Variants in FURIN observed in about 807,000 individuals in gnomAD.
FURIN encodes the protein furin, paired basic amino acid cleaving enzyme, also known as FES upstream region.
In FURIN, 18 loss-of-function variants were observed where a neutral mutation model predicts 89.2. That is an observed-to-expected ratio of 0.20 (90% confidence interval 0.14 to 0.30). The LOEUF (loss-of-function observed/expected upper bound fraction) is 0.30, where lower values mean the gene tolerates loss of function less well. Ranked by LOEUF, FURIN falls within the 10% of genes least tolerant of loss-of-function variation. The pLI is 1.00. For missense variants in FURIN, 879 were observed against 1,100.5 expected, an observed-to-expected ratio of 0.80 and a Z score of 2.85; for synonymous variants, 508 against 466.4, an observed-to-expected ratio of 1.09 and a Z score of -1.15.
chr15:90,881,443 A>G lies in FURIN; in HGVS notation c.1950A>G (p.Thr650=), dbSNP rs200847735. Residue 650 remains threonine (T), a synonymous_variant, in exon 16 of 16, where the codon ACA becomes ACG. Transcript: ENST00000268171. The surrounding 1 kb of genome is among the most constrained non-coding windows in gnomAD (Gnocchi z 4.3). Reference sequence around the variant, plus strand: ...CCCCCTGCCACGCCTCATGTGCCACATGCCAGGGGCCGGCCCTGACAGACT... The same window carrying G: ...CCCCCTGCCACGCCTCATGTGCCACGTGCCAGGGGCCGGCCCTGACAGACT... The part of the protein sequence containing the change: ...VCAPCHASCA[T]CQGPALTDCL... 6 of 1,612,192 alleles carry G rather than the reference A, an allele frequency of 3.7e-6. No individual in the cohort carries two copies. Among genetic ancestry groups the G allele is most frequent in the Non-Finnish European group, 5.1e-6 (6 of 1,179,818 alleles).
At chr15:90,875,332 C>T (rs573728226) in intron 1 of FURIN, among the ~76,000 whole-genome samples, 12 of 152,226 alleles carry the variant, frequency 7.9e-5, no homozygotes, top group African/African-American at 2.9e-4. Flanking sequence ...CCATGCCTGG[C>T]CCTTCTGTTA....
Position 90,875,865 on chromosome 15 carries a change from C to A in FURIN, c.125C>A (p.Pro42Gln). 6.3e-7 allele frequency: 1 copy of A among 1,586,404 alleles called. No individual in the cohort carries two copies. The highest frequency in any genetic ancestry group is 1.2e-5 in the South Asian group (1 of 86,458). ...TGGGCTGTGCGCATCCCTGGAGGCC[C>A]AGCGGTGGCCAACAGTGTGGCACGG... ...NTWAVRIPGGPAVANSVARKH... is the reference protein window; with the variant it reads ...NTWAVRIPGGQAVANSVARKH... Residue 42 changes from proline (P) to glutamine (Q), a missense_variant, in exon 2 of 16, where the codon CCA (proline) becomes CAA (glutamine). Physicochemically the swap from Pro to Gln is moderately conservative, Grantham distance 76. Transcript: ENST00000268171.
At chr15:90,877,047 C>T (rs2031670663) in intron 5 of FURIN, 23 bp downstream of exon 5, 1 of 1,613,788 alleles carries the variant, frequency 6.2e-7, no homozygotes, top group Non-Finnish European at 8.5e-7. Context: ...GGGAGGGAGG[C>T]CGTGATCCCT....
chr15:90,882,176 A>C lies in FURIN; in HGVS notation c.*298A>C. 1 of 390,784 alleles carries C rather than the reference A, an allele frequency of 2.6e-6. No homozygotes were observed. Among genetic ancestry groups the C allele is most frequent in the Non-Finnish European group, 4.7e-6 (1 of 214,720 alleles). The allele number at this position is 390,784 out of a possible 1,614,324, so 24.2% of individuals were successfully genotyped here. A position where few individuals can be genotyped will look rare whatever the true frequency, so the allele number is the denominator to read the frequency against. On this transcript the variant is annotated 3_prime_UTR_variant, in exon 16 of 16. Transcript: ENST00000268171. ...CAGCCAGAGTTCCTGCGGAGTGAAGAGGGGCAGCCCTTGCTTGTTGGGATT... is the reference window on the plus strand; with the variant it reads ...CAGCCAGAGTTCCTGCGGAGTGAAGCGGGGCAGCCCTTGCTTGTTGGGATT...
At position 90,879,561 on chromosome 15, in the gene FURIN, C is replaced by G; in HGVS notation, c.1154+17C>G. On this transcript the variant is annotated intron_variant, in intron 10 of 15. Transcript: ENST00000268171. ...GGAGGCCAAGTAAGTGGGTGGGGGC[C>G]AGCGGCAACCCTGTCCCTACCAGCA... The G allele has an allele frequency of 6.3e-7, 1 of 1,583,472 alleles. No homozygotes were observed. Among genetic ancestry groups the G allele is most frequent in the Non-Finnish European group, 8.7e-7 (1 of 1,152,320 alleles).
At position 90,880,752 on chromosome 15, in the gene FURIN, G is replaced by C; in HGVS notation, c.1618G>C (p.Asp540His). ...DWAFMTTHSW[D>H]EDPSGEWVLE... is the part of the protein sequence containing the mutation. Reference sequence around the variant, plus strand: ...GGCCTTCATGACAACTCATTCCTGGGATGAGGATCCCTCTGGCGAGTGGGT... The same window carrying C: ...GGCCTTCATGACAACTCATTCCTGGCATGAGGATCCCTCTGGCGAGTGGGT... Residue 540 changes from aspartate to histidine, a missense_variant, in exon 14 of 16, where the codon GAT (aspartate) becomes CAT (histidine). Transcript: ENST00000268171. 1 of 1,614,086 alleles carries C rather than the reference G, an allele frequency of 6.2e-7. No homozygotes were observed. Among genetic ancestry groups the C allele is most frequent in the Non-Finnish European group, 8.5e-7 (1 of 1,179,958 alleles).
chr15:90,880,953 G>C lies in FURIN; in HGVS notation c.1705G>C (p.Val569Leu). 1 of 1,613,982 alleles carries C rather than the reference G, an allele frequency of 6.2e-7. No homozygotes were observed. The highest frequency in any genetic ancestry group is 8.5e-7 in the Non-Finnish European group (1 of 1,179,912). Residue 569 changes from valine (V) to leucine (L), a missense_variant, in exon 15 of 16, where the codon GTA (valine) becomes CTA (leucine). By Grantham distance (32) the Val-to-Leu change is conservative (BLOSUM62 1). Around this residue, in one of 5 missense-constraint regions of FURIN, gnomAD observed 457 missense variants for 490.7 expected, o/e 0.93. Transcript: ENST00000268171. ...AGGGACGCTGACCAAGTTCACCCTC[G>C]TACTCTATGGCACCGCCCCTGAGGG... ...NYGTLTKFTL[V>L]LYGTAPEGLP...
rs755491169 is a variant in FURIN at position 90,878,151 on chromosome 15, C to T, written c.687C>T (p.Gly229=). The T allele has an allele frequency of 9.9e-6, 16 of 1,613,662 alleles. No individual in the cohort carries two copies. The highest frequency in any genetic ancestry group is 1.3e-5 in the African/African-American group (1 of 74,908). ...GGCCAGGGGTGCGCATGCTGGATGGCGAGGTGACAGATGCAGTGGAGGCAC... is the reference window on the plus strand; with the variant it reads ...GGCCAGGGGTGCGCATGCTGGATGGTGAGGTGACAGATGCAGTGGAGGCAC... The part of the protein sequence containing the change: ...ARIGGVRMLD[G]EVTDAVEARS... The change falls in exon 8 of 16, where the codon GGC becomes GGT. Residue 229 remains glycine, a synonymous_variant. Transcript: ENST00000268171.
At position 90,880,778 on chromosome 15, in the gene FURIN, C is replaced by A. The variant is rs762584302; in HGVS notation, c.1644C>A (p.Val548=). ...SWDEDPSGEW[V]LEIENTSEAN... ...ATGAGGATCCCTCTGGCGAGTGGGT[C>A]CTAGAGATTGAAAACACCAGCGAAG... The change falls in exon 14 of 16, where the codon GTC becomes GTA. Residue 548 remains valine, a synonymous_variant. Coordinates refer to ENST00000268171, the MANE Select transcript of FURIN (RefSeq NM_002569.4). 1.9e-6 allele frequency: 3 copies of A among 1,613,936 alleles called. No homozygotes were observed. The highest frequency in any genetic ancestry group is 2.5e-6 in the Non-Finnish European group (3 of 1,179,922).
rs766446387 is a variant in FURIN, at chr15:90,881,238, A to G, written c.1793-48A>G. The G allele has an allele frequency of 2.8e-6, 4 of 1,431,752 alleles. No homozygotes were observed. Among genetic ancestry groups the G allele is most frequent in the Non-Finnish European group, 3.9e-6 (4 of 1,037,018 alleles). 88.7% of individuals were successfully genotyped at this position (1,431,752 alleles called of 1,614,324 possible). On this transcript the variant is annotated intron_variant, in intron 15 of 15. Coordinates refer to ENST00000268171, the MANE Select transcript of FURIN (RefSeq NM_002569.4). This position sits in a 1 kb window ranked among gnomAD's most constrained non-coding sequence, Gnocchi z 4.3. ...TTGGGGCTGCTGTGGTCCTGGGGCT[A>G]CAGTCTGTTTAGCTGACACACACTT...
Position 90,882,878 on chromosome 15 carries a change from G to T in FURIN, c.*1000G>T, listed in dbSNP as rs2032082445. On this transcript the variant is annotated 3_prime_UTR_variant, in exon 16 of 16. Coordinates refer to ENST00000268171, the MANE Select transcript of FURIN (RefSeq NM_002569.4). ...GCCCTGCTCCTCCCTGGCTGCCCTG[G>T]CCCTGAGGTGTGGGGGCTGCAGCAT... 1 of 152,686 alleles carries T rather than the reference G, an allele frequency of 6.5e-6. No homozygotes were observed. 9.5% of individuals were successfully genotyped at this position (152,686 alleles called of 1,614,324 possible).
At chr15:90,872,782 G>T (rs905903973) in intron 1 of FURIN, 1 of 152,210 alleles carries the variant, frequency 6.6e-6, no homozygotes. Flanking sequence ...ACCCCGCGTG[G>T]TGTCTCTGCT....
chr15:90,882,311 C>G lies in FURIN; in HGVS notation c.*433C>G, dbSNP rs886100297. Reference sequence around the variant, plus strand: ...AGATATCTGAGGGAGGAGGCCACCTCTCCAAGGGCTTCTGCACCCTCCACC... The same window carrying G: ...AGATATCTGAGGGAGGAGGCCACCTGTCCAAGGGCTTCTGCACCCTCCACC... On this transcript the variant is annotated 3_prime_UTR_variant, in exon 16 of 16. Coordinates refer to ENST00000268171, the MANE Select transcript of FURIN (RefSeq NM_002569.4). The G allele has an allele frequency of 5.2e-6, 1 of 190,654 alleles. No homozygotes were observed. The highest frequency in any genetic ancestry group is 1.1e-5 in the Non-Finnish European group (1 of 90,660). The allele number at this position is 190,654 out of a possible 1,614,324, so 11.8% of individuals were successfully genotyped here.
intron 8 of FURIN, 110 bp downstream of exon 8, chr15:90,878,414 A>C: frequency 1.1e-6 from 1 of 940,318 alleles, no homozygotes. Flanking sequence ...CTTTACACAA[A>C]GCATGTTTAT....
intron 1 of FURIN, among the ~76,000 whole-genome samples, chr15:90,869,679 C>T (rs941421384): frequency 3.3e-5 from 5 of 152,192 alleles, no homozygotes; most frequent in African/African-American, 1.2e-4. Context: ...ACCGCCTCTG[C>T]CTGGGTGGCA....
At chr15:90,878,647 G>C in intron 8 of FURIN, 117 bp from the exon 9 acceptor site, 1 of 636,162 alleles carries the variant, frequency 1.6e-6, no homozygotes, top group Non-Finnish European at 2.8e-6. Flanking sequence ...GATCTCACAG[G>C]GGACAGGAGG....
At position 90,875,914 on chromosome 15, in the gene FURIN, C is replaced by T; in HGVS notation, c.174C>T (p.Gly58=). 4.4e-6 allele frequency: 7 copies of T among 1,580,172 alleles called. No homozygotes were observed. The South Asian group carries it at 7.0e-5, about 16-fold the overall frequency. Residue 58 remains glycine (G), a synonymous_variant, in exon 2 of 16, where the codon GGC becomes GGT. Transcript: ENST00000268171. ...GGAAGCATGGGTTCCTCAACCTGGG[C>T]CAGGTAGGTGTTCCCCCACAGGACA... ...VARKHGFLNL[G]QIFGDYYHFW...
At position 90,876,774 on chromosome 15, in the gene FURIN, G is replaced by A; in HGVS notation, c.373-122G>A. ...CATGGAGTCCAGACAGCCAGTGGCG[G>A]CCTTTCAGGAGCAGGGATGGTACAG... On this transcript the variant is annotated intron_variant, in intron 4 of 15. Coordinates refer to ENST00000268171, the MANE Select transcript of FURIN (RefSeq NM_002569.4). The surrounding 1 kb of genome is among the most constrained non-coding windows in gnomAD (Gnocchi z 5.0). 8.9e-7 allele frequency: 1 copy of A among 1,118,718 alleles called. No homozygotes were observed. The allele number at this position is 1,118,718 out of a possible 1,614,324, so 69.3% of individuals were successfully genotyped here. A position where few individuals can be genotyped will look rare whatever the true frequency, so the allele number is the denominator to read the frequency against.
At position 90,872,630 on chromosome 15, in the gene FURIN, G is replaced by T. The variant is rs77987238; in HGVS notation, c.-159-2952G>T. Among the ~76,000 whole-genome samples the T allele has an allele frequency of 9.9e-3, 1,513 of 152,324 alleles. 26 individuals carry two copies. Among genetic ancestry groups the T allele is most frequent in the African/African-American group, 0.034 (1,421 of 41,568 alleles). On this transcript the variant is annotated intron_variant, in intron 1 of 15. Coordinates refer to ENST00000268171, the MANE Select transcript of FURIN (RefSeq NM_002569.4). Reference sequence around the variant, plus strand: ...GATTCTGTGGCTTTTTAAAAAGTTTGAAAGCCGCTGGTCCAGCAGTTTTTA... The same window carrying T: ...GATTCTGTGGCTTTTTAAAAAGTTTTAAAGCCGCTGGTCCAGCAGTTTTTA...
Sources: gnomAD v4.1 joint callset for allele counts (sites outside exome capture counted in the v4.1 genomes callset) on GRCh38, gnomAD v4.1.1 for gene constraint, gnomAD v4.1.1 regional missense constraint, Gnocchi (gnomAD v3.1) non-coding constraint, MANE v1.5 for transcripts, NCBI Gene and HGNC (gene_info 2026-07-23, HGNC 2026-07-21) for gene names.